Variants in ZNF248 observed in about 807,000 individuals in gnomAD.
ZNF248 encodes the protein KRAB protein domain.
A neutral mutation model predicts 44.3 loss-of-function variants in ZNF248; 20 were observed. The ratio of observed to expected loss-of-function variants is 0.45; its 90% CI spans 0.32 to 0.66. The LOEUF is 0.66. ZNF248 is among the 30% of genes least tolerant of loss of function. The pLI, the probability that ZNF248 is intolerant of heterozygous loss-of-function variation, is 0.04. For missense variants in ZNF248, 654 were observed against 677.0 expected, an observed-to-expected ratio of 0.97 and a Z score of 0.38; for synonymous variants, 224 against 229.0, an observed-to-expected ratio of 0.98 and a Z score of 0.20.
In ZNF248 at chr10:37,823,067, G is replaced by A. The variant is rs150188884; in HGVS notation, c.330+9958C>T. Among the ~76,000 whole-genome samples the A allele has an allele frequency of 1.2e-4, 19 of 152,154 alleles. No homozygotes were observed. In the East Asian group the frequency reaches 3.3e-3, roughly 26 times the overall value. On this transcript the variant is annotated intron_variant, in intron 6 of 6. Transcript: ENST00000615949. ...AATGCAAACAGTGGCTGGGCACGGT[G>A]GCTCACACCTGTAATCCCAGCACTT... is the stretch of plus-strand genomic sequence containing the variant.
At chr10:37,843,663 G>C (rs547611615) in intron 3 of ZNF248, among the ~76,000 whole-genome samples, 10 of 152,176 alleles carry the variant, frequency 6.6e-5, no homozygotes, top group Admixed American at 6.5e-4. Flanking sequence ...CATCAAAAAT[G>C]ACAAATAACT....
intron 3 of ZNF248, among the ~76,000 whole-genome samples, chr10:37,852,975 C>T (rs962966459): frequency 6.6e-6 from 1 of 151,976 alleles, no homozygotes; most frequent in African/African-American, 2.4e-5. Context: ...GATTCTCCTG[C>T]CTCAGCCTCC....
chr10:37,761,577 A>G, the ZNF248 span, among the ~76,000 whole-genome samples: 1 of 152,250 alleles, frequency 6.6e-6, no homozygotes, highest in Non-Finnish European at 1.5e-5. Flanking sequence ...TGATGCAATG[A>G]AAAAGTGCAA....
chr10:37,808,921 T>C (rs1214924300), intron 6 of ZNF248, among the ~76,000 whole-genome samples: 1 of 152,192 alleles, frequency 6.6e-6, no homozygotes, highest in Non-Finnish European at 1.5e-5. Flanking sequence ...TGTACCTACA[T>C]AATTTTCTAT....
chr10:37,823,975 G>A (rs770763978), downstream of ZNF248, among the ~76,000 whole-genome samples: 18 of 152,106 alleles, frequency 1.2e-4, no homozygotes, highest in Non-Finnish European at 2.1e-4. Flanking sequence ...TATGATAATG[G>A]TGGCTATGTC....
chr10:37,777,489 C>T (rs1490322152), intron 6 of ZNF248, among the ~76,000 whole-genome samples: 1 of 151,886 alleles, frequency 6.6e-6, no homozygotes, highest in Non-Finnish European at 1.5e-5. Flanking sequence ...TTCCTAAAAC[C>T]TCAATAAACG....
chr10:37,826,830 T>A (rs1032373349), downstream of ZNF248, among the ~76,000 whole-genome samples: 1 of 152,222 alleles, frequency 6.6e-6, no homozygotes, highest in African/African-American at 2.4e-5. Context: ...TTGATTAATA[T>A]TCTGACCATA....
downstream of ZNF248, among the ~76,000 whole-genome samples, chr10:37,828,584 T>A (rs905609992): frequency 1.3e-5 from 2 of 152,198 alleles, no homozygotes; most frequent in African/African-American, 4.8e-5. Context: ...GAAGACACAG[T>A]ACTCTGCAGA....
chr10:37,834,790 A>G (rs1222652352), intron 5 of ZNF248, among the ~76,000 whole-genome samples: 2 of 152,218 alleles, frequency 1.3e-5, no homozygotes, highest in Admixed American at 6.5e-5. Context: ...GAATTACCTG[A>G]AAAAAGGCAA....
intron 3 of ZNF248, among the ~76,000 whole-genome samples, chr10:37,851,768 C>CAA (rs57501241): frequency 0.33 from 10,613 of 32,038 alleles, 2,715 homozygotes; most frequent in East Asian, 0.56. Context: ...TCAGAATGAC[C>CAA]AAAAAAAAAA....
At chr10:37,767,644 C>G in the ZNF248 span, among the ~76,000 whole-genome samples, 1 of 152,188 alleles carries the variant, frequency 6.6e-6, no homozygotes, top group Non-Finnish European at 1.5e-5. Context: ...TGGAAAGGAA[C>G]AACCAGTTCC....
intron 6 of ZNF248, among the ~76,000 whole-genome samples, chr10:37,821,490 C>A (rs1347013870): frequency 6.6e-6 from 1 of 152,172 alleles, no homozygotes; most frequent in Non-Finnish European, 1.5e-5. Context: ...ACTAGACGGC[C>A]TTTAACAACT....
chr10:37,810,575 G>A (rs146730761), intron 6 of ZNF248, among the ~76,000 whole-genome samples: 1 of 151,792 alleles, frequency 6.6e-6, no homozygotes, highest in Non-Finnish European at 1.5e-5. Flanking sequence ...GGAGATATGT[G>A]ACAATTTGAA....
rs577081573 is a variant in ZNF248, at chr10:37,837,704, T to C, written c.151A>G (p.Ile51Val). 9.3e-6 allele frequency: 15 copies of C among 1,613,906 alleles called. No homozygotes were observed. Among genetic ancestry groups the C allele is most frequent in the Non-Finnish European group, 1.2e-5 (14 of 1,179,920 alleles). ...TTAAAGATCACTTCTGGTTTAGTAA[T>C]GCAATACCCTGTTAAGAGAAAATAC... ...YSNLVSVGYC[I>V]TKPEVIFKIE... The change falls in exon 5 of 6, where the codon ATT becomes GTT. Residue 51 changes from isoleucine (I) to valine (V), a missense_variant. Ile to Val is a conservative substitution (Grantham distance 29). Coordinates refer to ENST00000395867, the MANE Select transcript of ZNF248 (RefSeq NM_021045.3).
chr10:37,773,882 A>G (rs1260933273), downstream of ZNF248, among the ~76,000 whole-genome samples: 1 of 152,152 alleles, frequency 6.6e-6, no homozygotes. Flanking sequence ...TTATGCCTCA[A>G]GACTGCAGCA....
the ZNF248 span, among the ~76,000 whole-genome samples, chr10:37,758,933 T>C: frequency 6.6e-6 from 1 of 152,204 alleles, no homozygotes. Context: ...TCTGACATCT[T>C]ATTCTTTATC....
intron 6 of ZNF248, among the ~76,000 whole-genome samples, chr10:37,777,941 G>A (rs1270782344): frequency 1.3e-5 from 2 of 151,892 alleles, no homozygotes; most frequent in Non-Finnish European, 2.9e-5. Flanking sequence ...ATCATTGTTG[G>A]ACATTTGGGT....
intron 3 of ZNF248, among the ~76,000 whole-genome samples, chr10:37,849,923 TAGTC>T (rs757897195): frequency 5.9e-5 from 9 of 151,698 alleles, no homozygotes; most frequent in East Asian, 1.9e-4. Flanking sequence ...ATACAAAACT[TAGTC>T]AGGCACGGTG....
chr10:37,766,918 G>C, the ZNF248 span, among the ~76,000 whole-genome samples: 1 of 152,150 alleles, frequency 6.6e-6, no homozygotes, highest in Non-Finnish European at 1.5e-5. Context: ...CCAACACAGA[G>C]AAGTCCTTAA....
Sources: gnomAD v4.1 joint callset for allele counts (sites outside exome capture counted in the v4.1 genomes callset) on GRCh38, gnomAD v4.1.1 for gene constraint, MANE v1.5 for transcripts, NCBI Gene and HGNC (gene_info 2026-07-23, HGNC 2026-07-21) for gene names.